MAML3: variants seen among roughly 807,000 people sequenced by gnomAD.
MAML3 encodes mastermind-like protein 3.
Under a neutral mutation model 101.9 loss-of-function variants are expected in MAML3, and 27 were observed. The observed-to-expected ratio is 0.27, with a 90% CI of 0.20 to 0.37. MAML3 has a LOEUF of 0.37. MAML3 is among the 10% of genes least tolerant of loss of function. MAML3 has a pLI of 1.00. For synonymous variants in MAML3, 501 were observed against 555.9 expected (o/e 0.90, Z 1.39); for missense variants, 1,316 against 1,444.9 (o/e 0.91, Z 1.45).
chr4:140,045,394 C>CAAAA (rs3081944), intron 1 of MAML3, among the ~76,000 whole-genome samples: 5 of 98,754 alleles, frequency 5.1e-5, no homozygotes, highest in Non-Finnish European at 1.0e-4. Flanking sequence ...GACTCCAACT[C>CAAAA]AAAAAAAAAA....
chr4:139,895,029 A>G (rs1732582521), intron 1 of MAML3, among the ~76,000 whole-genome samples: 1 of 152,242 alleles, frequency 6.6e-6, no homozygotes, highest in Non-Finnish European at 1.5e-5. Flanking sequence ...CATGCAATGA[A>G]TGGAGCAGGA....
intron 1 of MAML3, among the ~76,000 whole-genome samples, chr4:139,902,221 C>T (rs1183063296): frequency 6.6e-6 from 1 of 151,550 alleles, no homozygotes; most frequent in East Asian, 1.9e-4. Flanking sequence ...TCTCTCCTTC[C>T]CCTGGACACA....
intron 1 of MAML3, among the ~76,000 whole-genome samples, chr4:140,143,889 T>C (rs141314824): frequency 8.9e-4 from 135 of 152,304 alleles, no homozygotes; most frequent in African/African-American, 3.2e-3. Flanking sequence ...TCCTCTAACT[T>C]CTTCCCAGGC....
intron 1 of MAML3, among the ~76,000 whole-genome samples, chr4:140,136,045 G>A (rs1347432598): frequency 6.6e-6 from 1 of 152,204 alleles, no homozygotes; most frequent in African/African-American, 2.4e-5. Context: ...CCTGGGTGTG[G>A]ACAGAAGAAA....
At chr4:140,104,455 ATG>A (rs137979621) in intron 1 of MAML3, among the ~76,000 whole-genome samples, 22,638 of 73,618 alleles carry the variant, frequency 0.31, 2,979 homozygotes, top group Middle Eastern at 0.54. Flanking sequence ...ATATAAATGT[ATG>A]TGTGTGTATA....
At chr4:139,830,076 A>G (rs2111132427) in intron 2 of MAML3, among the ~76,000 whole-genome samples, 1 of 152,314 alleles carries the variant, frequency 6.6e-6, no homozygotes, top group East Asian at 1.9e-4. Flanking sequence ...GTCACAACGT[A>G]GGAACAAAGT....
chr4:139,738,786 A>C (rs568367015), intron 2 of MAML3, among the ~76,000 whole-genome samples: 14 of 152,340 alleles, frequency 9.2e-5, no homozygotes, highest in African/African-American at 3.1e-4. Context: ...CATTTTTTAC[A>C]CTCAAAGGTA....
chr4:140,015,109 G>C (rs1024480233), intron 1 of MAML3, among the ~76,000 whole-genome samples: 1 of 152,118 alleles, frequency 6.6e-6, no homozygotes, highest in African/African-American at 2.4e-5. Context: ...TTTTCAGATA[G>C]CTCTTTGAAA....
At position 140,106,468 on chromosome 4, in the gene MAML3, T is replaced by C. The variant is rs912608248; in HGVS notation, c.468+46392A>G. On this transcript the variant is annotated intron_variant, in intron 1 of 4. Transcript: ENST00000509479. ...AGAAGCATGCATTTGTGTGTGGGCA[T>C]GTGTGTGCACACCCACGGAGAAGTG... Among the ~76,000 whole-genome samples, 17 of 152,348 alleles carry C rather than the reference T, an allele frequency of 1.1e-4. No individual in the cohort carries two copies. The East Asian group carries it at 1.2e-3, about 10-fold the overall frequency.
intron 1 of MAML3, among the ~76,000 whole-genome samples, chr4:140,112,998 T>A (rs967068648): frequency 6.6e-5 from 10 of 152,184 alleles, no homozygotes; most frequent in African/African-American, 2.2e-4. Context: ...ATAAAATAAC[T>A]GTCCGGGCGC....
At chr4:140,017,291 G>T (rs574762508) in intron 1 of MAML3, among the ~76,000 whole-genome samples, 1 of 152,252 alleles carries the variant, frequency 6.6e-6, no homozygotes, top group South Asian at 2.1e-4. Flanking sequence ...ATAAAAAACA[G>T]TGACACCACC....
At chr4:139,849,487 A>T (rs1731510827) in intron 2 of MAML3, among the ~76,000 whole-genome samples, 1 of 152,228 alleles carries the variant, frequency 6.6e-6, no homozygotes, top group Admixed American at 6.5e-5. Flanking sequence ...AAGCTGATAA[A>T]CAGGTTAAAC....
chr4:139,932,665 C>T (rs1457601488), intron 1 of MAML3, among the ~76,000 whole-genome samples: 2 of 152,178 alleles, frequency 1.3e-5, no homozygotes, highest in Admixed American at 6.5e-5. Flanking sequence ...AATCACCACA[C>T]ATTTCAAATA....
intron 1 of MAML3, among the ~76,000 whole-genome samples, chr4:139,911,161 G>A (rs1275951478): frequency 2.0e-5 from 3 of 151,934 alleles, no homozygotes; most frequent in African/African-American, 7.3e-5. Context: ...CTTAATGACT[G>A]GAATATTTCA....
intron 2 of MAML3, among the ~76,000 whole-genome samples, chr4:139,791,216 G>A (rs1022944277): frequency 4.6e-5 from 7 of 152,040 alleles, no homozygotes; most frequent in South Asian, 4.1e-4. Context: ...CTCATCCACC[G>A]CTGGGTATGG....
At chr4:139,865,958 G>C (rs1334168286) in intron 2 of MAML3, among the ~76,000 whole-genome samples, 1 of 152,236 alleles carries the variant, frequency 6.6e-6, no homozygotes, top group Non-Finnish European at 1.5e-5. Flanking sequence ...ACACAGCTGT[G>C]TGCACCTCTA....
At chr4:139,900,044 C>A (rs142050424) in intron 1 of MAML3, among the ~76,000 whole-genome samples, 4 of 132,002 alleles carry the variant, frequency 3.0e-5, no homozygotes, top group Middle Eastern at 3.7e-3. Context: ...CAAGGGACTA[C>A]GGGGGCACCG....
chr4:140,101,011 G>A lies in MAML3; in HGVS notation c.468+51849C>T, dbSNP rs193146663. 1.2e-4 allele frequency among the ~76,000 whole-genome samples: 18 copies of A among 152,244 alleles called. 1 individual carries two copies. The East Asian group carries it at 3.1e-3, about 26-fold the overall frequency. On this transcript the variant is annotated intron_variant, in intron 1 of 4. Coordinates refer to ENST00000509479, the MANE Select transcript of MAML3 (RefSeq NM_018717.5). ...ATGGAGAGGCAGACAGGCCCAGTGG[G>A]GAGCTCAGTCTTCCAGGCATCCTTG... is the stretch of plus-strand genomic sequence containing the variant.
At chr4:139,792,054 G>A (rs890345208) in intron 2 of MAML3, among the ~76,000 whole-genome samples, 4 of 152,152 alleles carry the variant, frequency 2.6e-5, no homozygotes, top group Non-Finnish European at 2.9e-5. Context: ...TGCAGACAGC[G>A]CTACATACAT....
Sources: gnomAD v4.1 joint callset for allele counts (sites outside exome capture counted in the v4.1 genomes callset) on GRCh38, gnomAD v4.1.1 for gene constraint, MANE v1.5 for transcripts, NCBI Gene and HGNC (gene_info 2026-07-23, HGNC 2026-07-21) for gene names.